Variants in FGF13 observed in about 807,000 individuals in gnomAD.
FGF13 encodes the protein fibroblast growth factor 13.
Under a neutral mutation model 19.5 loss-of-function variants are expected in FGF13, and 2 were observed. That is an observed-to-expected ratio of 0.10 (90% CI 0.04 to 0.32). The LOEUF (loss-of-function observed/expected upper bound fraction) is 0.32. Among genes scored for constraint, FGF13 ranks in the 10% least tolerant of loss-of-function variants. FGF13 has a pLI of 1.00. For synonymous variants in FGF13, 72 were observed against 76.9 expected, an observed-to-expected ratio of 0.94 and a Z score of 0.33; for missense variants, 113 against 192.7, an observed-to-expected ratio of 0.59 and a Z score of 2.45.
At chrX:139,079,211 A>C (rs1373409991) in intron 1 of FGF13, among the ~76,000 whole-genome samples, 1 of 111,193 alleles carries the variant, frequency 9.0e-6, no homozygotes, top group African/African-American at 3.3e-5. Context: ...CAGAAAGCAT[A>C]CCCTATTTTA....
At chrX:138,970,516 G>A (rs149223705) in intron 1 of FGF13, among the ~76,000 whole-genome samples, 1,144 of 111,290 alleles carry the variant, frequency 0.01, 24 homozygotes, top group African/African-American at 0.035. Context: ...CAATTCAGAC[G>A]CTCCTAAAAA....
At chrX:139,203,812 A>G (rs1004746271), upstream of FGF13, among the ~76,000 whole-genome samples, 7 of 112,214 alleles carry the variant, frequency 6.2e-5, no homozygotes, top group Non-Finnish European at 1.1e-4. Flanking sequence ...CCGTGCGTCC[A>G]GAGGGGAAGT....
chrX:138,995,608 A>G (rs893271546), intron 1 of FGF13, among the ~76,000 whole-genome samples: 1 of 112,515 alleles, frequency 8.9e-6, no homozygotes, highest in African/African-American at 3.2e-5. Context: ...GATAGCCTCC[A>G]GCTCCATCCA....
At chrX:138,689,727 A>G (rs2089820576) in intron 3 of FGF13, among the ~76,000 whole-genome samples, 1 of 112,243 alleles carries the variant, frequency 8.9e-6, no homozygotes, top group African/African-American at 3.2e-5. Flanking sequence ...GTGGACATTT[A>G]AGGCCGAGTT....
intron 3 of FGF13, among the ~76,000 whole-genome samples, chrX:138,675,121 C>T (rs1042755512): frequency 2.7e-5 from 3 of 111,579 alleles, no homozygotes; most frequent in East Asian, 2.8e-4. Flanking sequence ...AAACTCTTGC[C>T]GCTTTCCCAA....
At chrX:138,705,532 C>A (rs2089985177) in intron 2 of FGF13, among the ~76,000 whole-genome samples, 1 of 111,774 alleles carries the variant, frequency 8.9e-6, no homozygotes. Flanking sequence ...TTCCATGAAG[C>A]CTGATTAAAA....
intron 1 of FGF13, among the ~76,000 whole-genome samples, chrX:138,931,137 T>A (rs2124258645): frequency 8.9e-6 from 1 of 112,933 alleles, no homozygotes; most frequent in East Asian, 2.8e-4. Context: ...ACCCAAAATG[T>A]TTAGCAATAG....
chrX:139,080,139 T>G (rs1791434260), intron 1 of FGF13, among the ~76,000 whole-genome samples: 1 of 111,199 alleles, frequency 9.0e-6, no homozygotes, highest in Admixed American at 9.6e-5. Flanking sequence ...TAAAGTTTCT[T>G]AATATTAAAT....
chrX:138,834,789 C>T (rs4431734), intron 3 of FGF13, among the ~76,000 whole-genome samples: 2,359 of 111,115 alleles, frequency 0.021, 71 homozygotes, highest in African/African-American at 0.072. Flanking sequence ...CTGATGTGGA[C>T]ATCTAATGCT....
chrX:139,091,453 TACA>T (rs1433146716), intron 1 of FGF13, among the ~76,000 whole-genome samples: 6 of 111,615 alleles, frequency 5.4e-5, no homozygotes, highest in Admixed American at 9.5e-5. Flanking sequence ...GTAAGGCCAC[TACA>T]ACATTTATCA....
At chrX:138,789,861 C>T (rs920584929) in intron 3 of FGF13, among the ~76,000 whole-genome samples, 3 of 106,139 alleles carry the variant, frequency 2.8e-5, no homozygotes, top group South Asian at 4.5e-4. Context: ...CTGGCTAACA[C>T]GGTGAAACCC....
intron 1 of FGF13, 133 bp downstream of exon 1, chrX:138,710,684 C>T: frequency 9.4e-7 from 1 of 1,061,935 alleles, no homozygotes. Flanking sequence ...TTCCCACGCA[C>T]GCACACAGGC....
At chrX:138,641,108 G>C (rs2089246891) in intron 3 of FGF13, among the ~76,000 whole-genome samples, 1 of 112,106 alleles carries the variant, frequency 8.9e-6, no homozygotes, top group African/African-American at 3.2e-5. Context: ...ACACATCCTG[G>C]TATAGATTAA....
At chrX:138,847,124 G>C (rs895356128) in intron 3 of FGF13, among the ~76,000 whole-genome samples, 2 of 111,734 alleles carry the variant, frequency 1.8e-5, no homozygotes, top group Admixed American at 9.5e-5. Context: ...GAGCAAGAGG[G>C]GGGAAACTGA....
intron 1 of FGF13, among the ~76,000 whole-genome samples, chrX:139,167,763 GAC>G (rs773503889): frequency 1.8e-5 from 2 of 112,178 alleles, no homozygotes; most frequent in African/African-American, 6.5e-5. Context: ...CACAAAGTCA[GAC>G]ACATTCCACT....
chrX:138,758,590 C>T (rs7885880), intron 3 of FGF13, among the ~76,000 whole-genome samples: 1 of 111,224 alleles, frequency 9.0e-6, no homozygotes, highest in African/African-American at 3.3e-5. Flanking sequence ...TCCTCTCACA[C>T]AGGAAATGCA....
chrX:139,196,472 A>G (rs750183669), intron 1 of FGF13, among the ~76,000 whole-genome samples: 26 of 111,931 alleles, frequency 2.3e-4, no homozygotes, highest in Non-Finnish European at 4.1e-4. Flanking sequence ...CCTGATAGAG[A>G]AAAGTCACTC....
intron 2 of FGF13, among the ~76,000 whole-genome samples, chrX:138,858,567 T>C (rs1251160584): frequency 4.5e-5 from 5 of 111,519 alleles, no homozygotes; most frequent in African/African-American, 6.5e-5. Context: ...CCAGCATGAA[T>C]TGTTTTCTTT....
chrX:139,066,462 AT>A (rs2092356829), intron 1 of FGF13, among the ~76,000 whole-genome samples: 1 of 112,116 alleles, frequency 8.9e-6, no homozygotes, highest in African/African-American at 3.2e-5. Flanking sequence ...ACAACGAAAA[AT>A]GATAAAGGGG....
Sources: allele counts gnomAD v4.1 joint callset (sites outside exome capture counted in the v4.1 genomes callset), GRCh38; gene constraint gnomAD v4.1.1; transcripts MANE v1.5; gene names NCBI Gene and HGNC (gene_info 2026-07-23, HGNC 2026-07-21).